CLEC16A: variants seen among roughly 807,000 people sequenced by gnomAD.
CLEC16A encodes the protein C-type lectin domain containing 16A.
Under a neutral mutation model 109.5 loss-of-function variants are expected in CLEC16A, and 51 were observed. That is an observed-to-expected ratio of 0.47 (90% confidence interval 0.37 to 0.59). The LOEUF is 0.59. Among genes scored for constraint, CLEC16A ranks in the 20% least tolerant of loss-of-function variants. The pLI is 0.00. For synonymous variants in CLEC16A, 673 were observed against 564.2 expected (o/e 1.19, Z -2.73); for missense variants, 1,339 against 1,394.0 (o/e 0.96, Z 0.63).
intron 12 of CLEC16A, among the ~76,000 whole-genome samples, chr16:11,022,581 G>C (rs1011735324): frequency 6.6e-6 from 1 of 151,884 alleles, no homozygotes; most frequent in African/African-American, 2.4e-5. Context: ...TATATTATGG[G>C]CTCTGTCTGC....
chr16:11,121,017 T>TATC (rs1322305120), intron 20 of CLEC16A, among the ~76,000 whole-genome samples: 1 of 152,210 alleles, frequency 6.6e-6, no homozygotes, highest in Non-Finnish European at 1.5e-5. Flanking sequence ...TAATCTTCAT[T>TATC]ATCAGTGTGA....
At chr16:11,121,765 A>T (rs922094424) in intron 20 of CLEC16A, among the ~76,000 whole-genome samples, 1 of 151,180 alleles carries the variant, frequency 6.6e-6, no homozygotes, top group Non-Finnish European at 1.5e-5. Flanking sequence ...CTGTAATCCC[A>T]GCTACCCAGG....
intron 16 of CLEC16A, 193 bp downstream of exon 16, chr16:11,044,265 C>T (rs2047511944): frequency 2.4e-6 from 1 of 420,698 alleles, no homozygotes; most frequent in Non-Finnish European, 4.1e-6. Flanking sequence ...GCTGTCTTAT[C>T]AGTAAAATTT....
rs375744276 is a variant in CLEC16A at position 11,011,869 on chromosome 16, TTTC to T, written c.1304-8318_1304-8316del. Among the ~76,000 whole-genome samples the T allele has an allele frequency of 1.4e-3, 214 of 152,272 alleles. 1 individual carries two copies. The highest frequency in any genetic ancestry group is 4.7e-3 in the African/African-American group (195 of 41,538). On this transcript the variant is annotated intron_variant, in intron 11 of 23. Transcript: ENST00000409790. ...TCCTCTCCCATCTTAGATTTGTATG[TTTC>T]TTCTTGTACACTGAGAGCCCTGACT...
At chr16:11,112,495 C>CAA (rs984574100) in intron 19 of CLEC16A, among the ~76,000 whole-genome samples, 28,487 of 85,356 alleles carry the variant, frequency 0.33, 4,431 homozygotes, top group Non-Finnish European at 0.37. Flanking sequence ...CCTATCTCTA[C>CAA]AAAAAAAAAA....
intron 3 of CLEC16A, among the ~76,000 whole-genome samples, chr16:10,968,075 T>G: frequency 6.6e-6 from 1 of 152,226 alleles, no homozygotes; most frequent in East Asian, 1.9e-4. Context: ...GTTCTGCCTT[T>G]AGCTGTCCTG....
At position 11,026,930 on chromosome 16, in the gene CLEC16A, A is replaced by G. The variant is rs533680190; in HGVS notation, c.1537+2009A>G. 2.8e-6 allele frequency: 3 copies of G among 1,069,938 alleles called. No individual in the cohort carries two copies. The South Asian group carries it at 4.1e-5, about 14-fold the overall frequency. 66.3% of individuals were successfully genotyped at this position (1,069,938 alleles called of 1,614,324 possible). On this transcript the variant is annotated intron_variant, in intron 13 of 23. Coordinates refer to ENST00000409790, the MANE Select transcript of CLEC16A (RefSeq NM_015226.3). ...CTGACTGGGTCCTCCAGCGTGAGCT[A>G]GAACAGACGTCTCTATGGTCAAGTA...
At chr16:11,055,373 CCAGGAAGGTTAAAGTGA>C (rs2048156470) in intron 18 of CLEC16A, among the ~76,000 whole-genome samples, 1 of 151,714 alleles carries the variant, frequency 6.6e-6, no homozygotes, top group South Asian at 2.1e-4. Flanking sequence ...TGAGGAGGAG[CCAGGAAGGTTAAAGTGA>C]TAAAGGAGGC....
intron 19 of CLEC16A, among the ~76,000 whole-genome samples, chr16:11,067,168 G>T (rs6498155): frequency 0.058 from 7,248 of 124,640 alleles, 644 homozygotes; most frequent in African/African-American, 0.19. Context: ...TTTTTTTTTG[G>T]TTTTTTTTTT....
chr16:11,158,834 T>G (rs2054621200), intron 22 of CLEC16A, among the ~76,000 whole-genome samples: 1 of 151,424 alleles, frequency 6.6e-6, no homozygotes, highest in African/African-American at 2.4e-5. Flanking sequence ...GCAGGAGAAT[T>G]GCTTGAACCT....
intron 18 of CLEC16A, among the ~76,000 whole-genome samples, chr16:11,054,898 C>G (rs2048127742): frequency 6.6e-6 from 1 of 151,606 alleles, no homozygotes. Context: ...AAAGAACATT[C>G]CAAGCTACCC....
chr16:11,137,694 A>G (rs1238946455), intron 22 of CLEC16A, among the ~76,000 whole-genome samples: 1 of 151,890 alleles, frequency 6.6e-6, no homozygotes. Context: ...CTGTAGTCCC[A>G]GCTACTCAGG....
At chr16:11,090,968 C>T (rs1199354011) in intron 19 of CLEC16A, among the ~76,000 whole-genome samples, 1 of 152,056 alleles carries the variant, frequency 6.6e-6, no homozygotes, top group Non-Finnish European at 1.5e-5. Context: ...CGGTGCCCAG[C>T]CTATTTTAAT....
chr16:10,976,453 G>T (rs2043035675), intron 7 of CLEC16A, among the ~76,000 whole-genome samples: 1 of 151,796 alleles, frequency 6.6e-6, no homozygotes, highest in Non-Finnish European at 1.5e-5. Flanking sequence ...ACAGACATTA[G>T]GGTTATAAGT....
At chr16:10,945,153 G>T (rs960356634) in intron 1 of CLEC16A, among the ~76,000 whole-genome samples, 7 of 152,162 alleles carry the variant, frequency 4.6e-5, no homozygotes, top group Non-Finnish European at 8.8e-5. Flanking sequence ...AGGGTCAAAG[G>T]CCTGGGTCCT....
At position 10,962,308 on chromosome 16, in the gene CLEC16A, G is replaced by A. The variant is rs1324137070; in HGVS notation, c.210-147G>A. 8 of 815,028 alleles carry A rather than the reference G, an allele frequency of 9.8e-6. No individual in the cohort carries two copies. In the African/African-American group the frequency reaches 1.4e-4, roughly 14 times the overall value. 50.5% of individuals were successfully genotyped at this position (815,028 alleles called of 1,614,324 possible). On this transcript the variant is annotated intron_variant, in intron 2 of 23. Coordinates refer to ENST00000409790, the MANE Select transcript of CLEC16A (RefSeq NM_015226.3). ...TTCCTTTGCTGGGAATTCCAGTTGT[G>A]GCGGGTGACAATGGGTGGCATGACC...
intron 18 of CLEC16A, among the ~76,000 whole-genome samples, chr16:11,060,333 A>AG (rs111475485): frequency 0.2 from 30,497 of 152,132 alleles, 3,979 homozygotes; most frequent in African/African-American, 0.38. Flanking sequence ...AGACTCACCC[A>AG]GGGTAGGATT....
intron 1 of CLEC16A, among the ~76,000 whole-genome samples, chr16:10,945,872 T>C (rs2041337359): frequency 6.6e-6 from 1 of 152,206 alleles, no homozygotes; most frequent in Non-Finnish European, 1.5e-5. Context: ...TTATACTTAT[T>C]TTCTGTCTTC....
In CLEC16A at chr16:11,020,293, C is replaced by G; in HGVS notation, c.1404C>G (p.Ala468=). The G allele has an allele frequency of 6.2e-7, 1 of 1,613,256 alleles. No individual in the cohort carries two copies. ...CCACGGACGAGGAGAAAAGCGCCGC[C>G]GCCACCTGCTCTGAGAGCACGCAAT... ...QNTTDEEKSA[A]ATCSESTQWS... is the part of the protein sequence containing the mutation. Residue 468 remains alanine, a synonymous_variant, in exon 12 of 24, where the codon GCC becomes GCG. Coordinates refer to ENST00000409790, the MANE Select transcript of CLEC16A (RefSeq NM_015226.3).
Sources: gnomAD v4.1 joint callset for allele counts (sites outside exome capture counted in the v4.1 genomes callset) on GRCh38, gnomAD v4.1.1 for gene constraint, MANE v1.5 for transcripts, NCBI Gene and HGNC (gene_info 2026-07-23, HGNC 2026-07-21) for gene names.